The following NFIC variants were observed in gnomAD, a reference collection of about 807,000 sequenced individuals.
The protein encoded by NFIC is nuclear factor I C.
In NFIC, 12 loss-of-function variants were observed where a neutral mutation model predicts 54.4. The observed-to-expected ratio is 0.22, with a 90% confidence interval of 0.14 to 0.36. The LOEUF (loss-of-function observed/expected upper bound fraction) is 0.36, where lower values mean the gene tolerates loss of function less well. Ranked by LOEUF, NFIC falls within the 10% of genes least tolerant of loss-of-function variation. The pLI is 1.00. For missense variants in NFIC, 575 were observed against 718.2 expected (o/e 0.80, Z 2.28); for synonymous variants, 322 against 319.2 (o/e 1.01, Z -0.09).
chr19:3,360,704 CT>C (rs2080799854), intron 1 of NFIC, among the ~76,000 whole-genome samples: 2 of 152,220 alleles, frequency 1.3e-5, no homozygotes, highest in African/African-American at 4.8e-5. Flanking sequence ...CTGCGGGACA[CT>C]TGTGTCTTTG....
In NFIC at chr19:3,464,021, C is replaced by T. The variant is rs2082680907; in HGVS notation, c.*1252C>T. Reference sequence around the variant, plus strand: ...CGAGGGGCAGAGCTGGGCGTCACTTCGCAAGCGTCCTGCCCTGCCGGGGCG... The same window carrying T: ...CGAGGGGCAGAGCTGGGCGTCACTTTGCAAGCGTCCTGCCCTGCCGGGGCG... On this transcript the variant is annotated 3_prime_UTR_variant, in exon 11 of 11. Transcript: ENST00000443272. The T allele has an allele frequency of 7.1e-6, 7 of 985,270 alleles. No homozygotes were observed. The highest frequency in any genetic ancestry group is 1.7e-5 in the African/African-American group (1 of 57,202). The allele number at this position is 985,270 out of a possible 1,614,324, so 61.0% of individuals were successfully genotyped here. A position where few individuals can be genotyped will look rare whatever the true frequency, so the allele number is the denominator to read the frequency against.
At chr19:3,371,941 C>CCTTCCTTCCT (rs1568400137) in intron 1 of NFIC, among the ~76,000 whole-genome samples, 1 of 66,552 alleles carries the variant, frequency 1.5e-5, no homozygotes, top group African/African-American at 5.1e-5. Context: ...CCTTCCTTCC[C>CCTTCCTTCCT]TCCCTCCCTC....
At position 3,366,601 on chromosome 19, in the gene NFIC, G is replaced by A. The variant is rs1314985995; in HGVS notation, c.-36G>A. Reference sequence around the variant, plus strand: ...ATGACTCAGTAAGTTCAGCGCGCCCGCTCCGGCCGGCCCTGCGCCTCCCGC... The same window carrying A: ...ATGACTCAGTAAGTTCAGCGCGCCCACTCCGGCCGGCCCTGCGCCTCCCGC... On this transcript the variant is annotated 5_prime_UTR_variant, in exon 1 of 11. Transcript: ENST00000443272. 15 of 1,420,220 alleles carry A rather than the reference G, an allele frequency of 1.1e-5. No homozygotes were observed. In the East Asian group the frequency reaches 1.1e-4, roughly 10 times the overall value. 88.0% of individuals were successfully genotyped at this position (1,420,220 alleles called of 1,614,324 possible).
intron 2 of NFIC, among the ~76,000 whole-genome samples, chr19:3,385,667 G>A (rs2081285936): frequency 6.7e-6 from 1 of 149,454 alleles, no homozygotes; most frequent in South Asian, 2.2e-4. Flanking sequence ...CTGCCTCCCG[G>A]GTTCAAGCAA....
At chr19:3,380,309 CTTT>C (rs529220524) in intron 1 of NFIC, among the ~76,000 whole-genome samples, 8 of 65,152 alleles carry the variant, frequency 1.2e-4, no homozygotes, top group East Asian at 1.3e-3. Flanking sequence ...CAGCCTTGTT[CTTT>C]TTTTTTTTTT....
intron 3 of NFIC, 64 bp from the exon 4 acceptor site, chr19:3,433,449 AGCCCT>A: frequency 6.6e-7 from 1 of 1,513,308 alleles, no homozygotes; most frequent in East Asian, 2.3e-5. Flanking sequence ...GAGTCCAGGC[AGCCCT>A]GGAGTGTGGG....
chr19:3,438,441 T>C lies in NFIC; in HGVS notation c.958+3234T>C, dbSNP rs1276641216. ...CTCCTGAGGGTTTCTTTTTTTTTTT[T>C]TTTTTTTTCTTTTTGAGACAGAGTC... On this transcript the variant is annotated intron_variant, in intron 6 of 10. Coordinates refer to ENST00000443272, the MANE Select transcript of NFIC (RefSeq NM_001245002.2). Among the ~76,000 whole-genome samples the C allele has an allele frequency of 4.7e-5, 7 of 147,910 alleles. No individual in the cohort carries two copies. The East Asian group carries it at 1.4e-3, about 29-fold the overall frequency.
chr19:3,446,996 A>G (rs189147934), intron 6 of NFIC, among the ~76,000 whole-genome samples: 2 of 152,088 alleles, frequency 1.3e-5, no homozygotes, highest in East Asian at 3.9e-4. Flanking sequence ...TCTGCACTCT[A>G]GCCTGGGTGA....
At chr19:3,384,994 C>A (rs1227411608) in intron 2 of NFIC, among the ~76,000 whole-genome samples, 1 of 151,530 alleles carries the variant, frequency 6.6e-6, no homozygotes, top group Non-Finnish European at 1.5e-5. Context: ...CTGCAGTCAG[C>A]ACAACCTCTG....
intron 2 of NFIC, among the ~76,000 whole-genome samples, chr19:3,388,019 C>T (rs1019252051): frequency 2.0e-5 from 3 of 152,228 alleles, no homozygotes; most frequent in Non-Finnish European, 4.4e-5. Flanking sequence ...CAGGCCCGCC[C>T]GTCCCAGCAG....
chr19:3,363,269 A>ATATTTT (rs1453872431), upstream of NFIC, among the ~76,000 whole-genome samples: 2 of 36,688 alleles, frequency 5.5e-5, no homozygotes, highest in South Asian at 8.7e-4. Flanking sequence ...ATATATATAT[A>ATATTTT]TTTTTTTTTT....
Position 3,464,175 on chromosome 19 carries a change from ACCCCGACGC to A in NFIC, c.*1407_*1415del. ...ACCGCCGTTTGCACTTTCATCGCCT[ACCCCGACGC>A]GGGGCCCAGCTGCGGGACGTGCATC... On this transcript the variant is annotated 3_prime_UTR_variant, in exon 11 of 11. Coordinates refer to ENST00000443272, the MANE Select transcript of NFIC (RefSeq NM_001245002.2). The A allele has an allele frequency of 1.0e-6, 1 of 983,750 alleles. No homozygotes were observed. The highest frequency in any genetic ancestry group is 1.2e-6 in the Non-Finnish European group (1 of 829,780). The allele number at this position is 983,750 out of a possible 1,614,324, so 60.9% of individuals were successfully genotyped here. A position where few individuals can be genotyped will look rare whatever the true frequency, so the allele number is the denominator to read the frequency against.
chr19:3,411,861 A>C (rs1403661384), intron 2 of NFIC, among the ~76,000 whole-genome samples: 1 of 152,096 alleles, frequency 6.6e-6, no homozygotes, highest in Non-Finnish European at 1.5e-5. Context: ...ATATATATTG[A>C]CCAGCACCAG....
At chr19:3,378,926 T>G (rs530714191) in intron 1 of NFIC, among the ~76,000 whole-genome samples, 48 of 152,308 alleles carry the variant, frequency 3.2e-4, no homozygotes, top group African/African-American at 1.1e-3. Flanking sequence ...TCTTATCTTT[T>G]GATGCAGAAA....
chr19:3,382,077 G>A lies in NFIC; in HGVS notation c.396G>A (p.Leu132=). ...CGGACAAGGTGTGGCGGCTGGACCT[G>A]GTCATGGTCATCCTGTTCAAGGGCA... ...RQADKVWRLD[L]VMVILFKGIP... The change falls in exon 2 of 11, where the codon CTG becomes CTA. Residue 132 remains leucine (L), a synonymous_variant. Transcript: ENST00000443272. 1 of 1,613,230 alleles carries A rather than the reference G, an allele frequency of 6.2e-7. No homozygotes were observed. Among genetic ancestry groups the A allele is most frequent in the South Asian group, 1.1e-5 (1 of 91,086 alleles).
At position 3,465,397 on chromosome 19, in the gene NFIC, AAAAAT is replaced by A. The variant is rs142281202; in HGVS notation, c.*2638_*2642del. 722 of 149,648 alleles carry A rather than the reference AAAAAT, an allele frequency of 4.8e-3. 6 individuals carry two copies. Among genetic ancestry groups the A allele is most frequent in the African/African-American group, 0.017 (694 of 40,648 alleles). The allele number at this position is 149,648 out of a possible 1,614,324, so 9.3% of individuals were successfully genotyped here. A position where few individuals can be genotyped will look rare whatever the true frequency, so the allele number is the denominator to read the frequency against. On this transcript the variant is annotated 3_prime_UTR_variant, in exon 11 of 11. Coordinates refer to ENST00000443272, the MANE Select transcript of NFIC (RefSeq NM_001245002.2). Reference sequence around the variant, plus strand: ...AAAGGGATGTATTTCTATTTGTAAAAAAAATAAAATAAAAAATAAGAAAGTGAGAA... The same window carrying A: ...AAAGGGATGTATTTCTATTTGTAAAAAAAATAAAAAATAAGAAAGTGAGAA...
intron 2 of NFIC, among the ~76,000 whole-genome samples, chr19:3,382,978 T>A (rs979265318): frequency 2.0e-5 from 3 of 150,236 alleles, no homozygotes; most frequent in African/African-American, 7.4e-5. Flanking sequence ...GGCGCTCCAA[T>A]GGTAGAGGCA....
chr19:3,382,264 C>G (rs537555795), intron 2 of NFIC, 21 bp downstream of exon 2: 1 of 1,590,606 alleles, frequency 6.3e-7, no homozygotes. Context: ...GTGGCCTGAG[C>G]GGAGCGGCCA....
chr19:3,385,120 C>T (rs1435581562), intron 2 of NFIC, among the ~76,000 whole-genome samples: 1 of 149,688 alleles, frequency 6.7e-6, no homozygotes, highest in Non-Finnish European at 1.5e-5. Flanking sequence ...CCCCAGCCTG[C>T]CCCCTTCATC....
Sources: gnomAD v4.1 joint callset for allele counts (sites outside exome capture counted in the v4.1 genomes callset) on GRCh38, gnomAD v4.1.1 for gene constraint, MANE v1.5 for transcripts, NCBI Gene and HGNC (gene_info 2026-07-23, HGNC 2026-07-21) for gene names.